The following ZKSCAN4 variants were observed in gnomAD, a reference collection of about 807,000 sequenced individuals.
ZKSCAN4 encodes the protein zinc finger with KRAB and SCAN domains 4.
In ZKSCAN4, 23 loss-of-function variants were observed where a neutral mutation model predicts 30.8. The observed-to-expected ratio is 0.75, with a 90% CI of 0.54 to 1.06. The LOEUF is 1.06. Ranked by LOEUF, ZKSCAN4 falls within the 50% of genes least tolerant of loss-of-function variation. The probability of loss-of-function intolerance (pLI) is 0.00; values close to 1 mark genes in which losing one functional copy is unlikely to be tolerated. For missense variants in ZKSCAN4, 556 were observed against 665.4 expected (o/e 0.84, Z 1.81); for synonymous variants, 208 against 252.5 (o/e 0.82, Z 1.67).
At position 28,251,962 on chromosome 6, in the gene ZKSCAN4, T is replaced by C. The variant is rs1374496186; in HGVS notation, c.19A>G (p.Lys7Glu). The change falls in exon 1 of 5, where the codon AAA becomes GAA. Residue 7 changes from lysine (K) to glutamate (E), a missense_variant. This residue lies in a region of ZKSCAN4 where 115 missense variants were observed against 125.9 expected (regional missense o/e 0.91). Transcript: ENST00000377294. This position sits in a 1 kb window ranked among gnomAD's most constrained non-coding sequence, Gnocchi z 4.5. ...GACTGGGCGTCCAGGGCTGCGTTTT[T>C]TCTCGGTTCTCTAGCCATTCTGACC... Reference protein sequence around the residue: MAREPRKNAALDAQSAE... With the variant: MAREPRENAALDAQSAE... The C allele has an allele frequency of 6.6e-7, 1 of 1,520,170 alleles. No individual in the cohort carries two copies. Among genetic ancestry groups the C allele is most frequent in the Non-Finnish European group, 8.8e-7 (1 of 1,138,520 alleles). 94.2% of individuals were successfully genotyped at this position (1,520,170 alleles called of 1,614,324 possible). A position where few individuals can be genotyped will look rare whatever the true frequency, so the allele number is the denominator to read the frequency against.
upstream of ZKSCAN4, among the ~76,000 whole-genome samples, chr6:28,253,423 G>A (rs1761088697): frequency 6.6e-6 from 1 of 152,212 alleles, no homozygotes; most frequent in Non-Finnish European, 1.5e-5. This position sits in a 1 kb window ranked among gnomAD's most constrained non-coding sequence, Gnocchi z 4.2. Flanking sequence ...AAGTCCCAAA[G>A]ACTGTTGCAA....
rs140747100 is a variant in ZKSCAN4, at chr6:28,244,372, C to A, written c.*744G>T. On this transcript the variant is annotated 3_prime_UTR_variant, in exon 5 of 5. Coordinates refer to ENST00000377294, the MANE Select transcript of ZKSCAN4 (RefSeq NM_019110.5). ...AATTAATGTAAACTAACATAATTAA[C>A]ATTGACCAGACAGTGGAGTTCTATG... is the stretch of plus-strand genomic sequence containing the variant. Among the ~76,000 whole-genome samples the A allele has an allele frequency of 1.3e-5, 2 of 152,272 alleles. No individual in the cohort carries two copies. The highest frequency in any genetic ancestry group is 3.9e-4 in the East Asian group (2 of 5,192).
Position 28,252,147 on chromosome 6 carries a change from T to G in ZKSCAN4, c.-167A>C. On this transcript the variant is annotated 5_prime_UTR_variant, in exon 1 of 5. Transcript: ENST00000377294. Reference sequence around the variant, plus strand: ...GGCGCAGCTGCACAGATCTCTCTTATAGTCCGTGCCTTTGCAGGGTCGTCC... The same window carrying G: ...GGCGCAGCTGCACAGATCTCTCTTAGAGTCCGTGCCTTTGCAGGGTCGTCC... 1 of 598,376 alleles carries G rather than the reference T, an allele frequency of 1.7e-6. No homozygotes were observed. The highest frequency in any genetic ancestry group is 2.7e-6 in the Non-Finnish European group (1 of 368,722). 37.1% of individuals were successfully genotyped at this position (598,376 alleles called of 1,614,324 possible). A position where few individuals can be genotyped will look rare whatever the true frequency, so the allele number is the denominator to read the frequency against.
rs1290130552 is a variant in ZKSCAN4, at chr6:28,249,946, A to T, written c.424-112T>A. 2 of 1,212,052 alleles carry T rather than the reference A, an allele frequency of 1.7e-6. No individual in the cohort carries two copies. Among genetic ancestry groups the T allele is most frequent in the African/African-American group, 3.1e-5 (2 of 65,188 alleles). The allele number at this position is 1,212,052 out of a possible 1,614,324, so 75.1% of individuals were successfully genotyped here. On this transcript the variant is annotated intron_variant, in intron 1 of 4. Transcript: ENST00000377294. This position sits in a 1 kb window ranked among gnomAD's most constrained non-coding sequence, Gnocchi z 4.1. ...CAAGCCTTATGATATTAACACAATTAATATAGATAACAACCCTGTGAGCTA... is the reference window on the plus strand; with the variant it reads ...CAAGCCTTATGATATTAACACAATTTATATAGATAACAACCCTGTGAGCTA...
Position 28,245,288 on chromosome 6 carries a change from C to G in ZKSCAN4, c.1466G>C (p.Cys489Ser). ...TGTGAAACTTCTCTCACACTCATTA[C>G]ATTTATAAGACACGGGAGCCTCAGT... ...ENTEAPVSYK[C>S]NECERSFTRN... Residue 489 changes from cysteine to serine, a missense_variant, in exon 5 of 5, where the codon TGT becomes TCT. Transcript: ENST00000377294. The G allele has an allele frequency of 1.2e-6, 2 of 1,614,052 alleles. No individual in the cohort carries two copies. Among genetic ancestry groups the G allele is most frequent in the Non-Finnish European group, 1.7e-6 (2 of 1,180,002 alleles).
chr6:28,245,304 G>A lies in ZKSCAN4; in HGVS notation c.1450C>T (p.Pro484Ser), dbSNP rs770914812. 2 of 1,613,896 alleles carry A rather than the reference G, an allele frequency of 1.2e-6. No homozygotes were observed. Among genetic ancestry groups the A allele is most frequent in the South Asian group, 2.2e-5 (2 of 91,058 alleles). The change falls in exon 5 of 5, where the codon CCC becomes TCC. Residue 484 changes from proline to serine, a missense_variant. Pro to Ser is a moderately conservative substitution (Grantham distance 74, BLOSUM62 -1). This residue lies in a region of ZKSCAN4 where 433 missense variants were observed against 511.5 expected (regional missense o/e 0.85). Coordinates refer to ENST00000377294, the MANE Select transcript of ZKSCAN4 (RefSeq NM_019110.5). ...CACTCATTACATTTATAAGACACGG[G>A]AGCCTCAGTATTTTCCCACTGGCTT... Reference protein sequence around the residue: ...TESQWENTEAPVSYKCNECER... With the variant: ...TESQWENTEASVSYKCNECER...
rs1022568549 is a variant in ZKSCAN4, at chr6:28,245,933, T to C, written c.821A>G (p.Lys274Arg). ...QTKSRDLPPV[K>R]KLPEKEHGKI... Reference sequence around the variant, plus strand: ...CCCATGCTCCTTTTCTGGAAGCTTCTTGACTGGAGGCAAGTCCCTGCTCTT... The same window carrying C: ...CCCATGCTCCTTTTCTGGAAGCTTCCTGACTGGAGGCAAGTCCCTGCTCTT... The change falls in exon 5 of 5, where the codon AAG becomes AGG. Residue 274 changes from lysine (K) to arginine (R), a missense_variant. Transcript: ENST00000377294. 8.7e-6 allele frequency: 14 copies of C among 1,614,216 alleles called. No individual in the cohort carries two copies. Among genetic ancestry groups the C allele is most frequent in the Non-Finnish European group, 1.2e-5 (14 of 1,180,032 alleles).
At chr6:28,247,881 T>G (rs980459778) in intron 3 of ZKSCAN4, among the ~76,000 whole-genome samples, 186 bp downstream of exon 3, 1 of 152,108 alleles carries the variant, frequency 6.6e-6, no homozygotes, top group African/African-American at 2.4e-5. Context: ...AACAGGAAAG[T>G]CCTCTTAGGT....
chr6:28,259,127 C>A, the ZKSCAN4 span, among the ~76,000 whole-genome samples: 1 of 152,210 alleles, frequency 6.6e-6, no homozygotes, highest in East Asian at 1.9e-4. Flanking sequence ...TGTTCCCACA[C>A]GGCTCAAGTT....
chr6:28,251,951 G>A lies in ZKSCAN4; in HGVS notation c.30C>T (p.Ala10=), dbSNP rs370205775. The change falls in exon 1 of 5, where the codon GCC becomes GCT. Residue 10 remains alanine (A), a synonymous_variant. Coordinates refer to ENST00000377294, the MANE Select transcript of ZKSCAN4 (RefSeq NM_019110.5). The surrounding 1 kb of genome is among the most constrained non-coding windows in gnomAD (Gnocchi z 4.5). The part of the protein sequence containing the change: MAREPRKNA[A]LDAQSAEDQT... ...GGTCTTCTGCAGACTGGGCGTCCAG[G>A]GCTGCGTTTTTTCTCGGTTCTCTAG... The A allele has an allele frequency of 2.6e-6, 4 of 1,521,500 alleles. No individual in the cohort carries two copies. In the African/African-American group the frequency reaches 4.2e-5, roughly 16 times the overall value. The allele number at this position is 1,521,500 out of a possible 1,614,324, so 94.2% of individuals were successfully genotyped here.
chr6:28,255,691 C>T (rs1003833911), upstream of ZKSCAN4, among the ~76,000 whole-genome samples: 1 of 152,010 alleles, frequency 6.6e-6, no homozygotes, highest in African/African-American at 2.4e-5. Flanking sequence ...GCCCCATGTA[C>T]TCTAAGTGTT....
the ZKSCAN4 span, chr6:28,259,181 A>G: frequency 2.8e-4 from 149 of 541,448 alleles, no homozygotes; most frequent in East Asian, 4.3e-3. Flanking sequence ...AATCCTACCT[A>G]CTTCCCACAA....
intron 1 of ZKSCAN4, among the ~76,000 whole-genome samples, chr6:28,250,371 G>A (rs1469591367): frequency 6.6e-5 from 10 of 152,114 alleles, no homozygotes; most frequent in Admixed American, 6.5e-4. Context: ...ACCCAGCCAA[G>A]GGTGGACAGT....
In ZKSCAN4 at chr6:28,247,153, A is replaced by G. The variant is rs1760773815; in HGVS notation, c.655-61T>C. ...CCCAAAATTACCCCCAAAGCAAAGA[A>G]TGAACATCCCCTTTAAAGAGGCTCT... On this transcript the variant is annotated intron_variant, in intron 3 of 4. Coordinates refer to ENST00000377294, the MANE Select transcript of ZKSCAN4 (RefSeq NM_019110.5). 2.6e-6 allele frequency: 4 copies of G among 1,513,768 alleles called. No individual in the cohort carries two copies. In the East Asian group the frequency reaches 9.4e-5, roughly 36 times the overall value. The allele number at this position is 1,513,768 out of a possible 1,614,324, so 93.8% of individuals were successfully genotyped here.
In ZKSCAN4 at chr6:28,251,771, C is replaced by G. The variant is rs149528071; in HGVS notation, c.210G>C (p.Ala70=). The G allele has an allele frequency of 6.1e-5, 99 of 1,614,174 alleles. No homozygotes were observed. In the Middle Eastern group the frequency reaches 8.2e-4, roughly 13 times the overall value. Reference sequence around the variant, plus strand: ...CGCAGAGTTCTCGGAGCCGGCTCAACGCCTCGCGGGGGCCCGCAGCCTCCG... The same window carrying G: ...CGCAGAGTTCTCGGAGCCGGCTCAAGGCCTCGCGGGGGCCCGCAGCCTCCG... ...RYPEAAGPRE[A]LSRLRELCGQ... Residue 70 remains alanine (A), a synonymous_variant, in exon 1 of 5, where the codon GCG becomes GCC. Coordinates refer to ENST00000377294, the MANE Select transcript of ZKSCAN4 (RefSeq NM_019110.5). The surrounding 1 kb of genome is among the most constrained non-coding windows in gnomAD (Gnocchi z 4.5).
rs1336503316 is a variant in ZKSCAN4, at chr6:28,247,112, T to TAAC, written c.655-23_655-21dup. ...CAAACCCTAAAACAATAGGTAGTCC[T>TAAC]AACTAGCTCCTCTTGCCCAAAATTA... On this transcript the variant is annotated intron_variant, in intron 3 of 4. Transcript: ENST00000377294. 6.4e-7 allele frequency: 1 copy of TAAC among 1,565,506 alleles called. No individual in the cohort carries two copies. The highest frequency in any genetic ancestry group is 1.4e-5 in the African/African-American group (1 of 73,208).
intron 4 of ZKSCAN4, 50 bp from the exon 5 acceptor site, chr6:28,246,025 G>A (rs1258558083): frequency 2.5e-6 from 4 of 1,613,378 alleles, no homozygotes; most frequent in Non-Finnish European, 3.4e-6. Context: ...GCCATGGGAG[G>A]AAAGCTCTGT....
intron 4 of ZKSCAN4, 88 bp from the exon 5 acceptor site, chr6:28,246,063 A>C: frequency 6.4e-7 from 1 of 1,553,772 alleles, no homozygotes; most frequent in Non-Finnish European, 8.8e-7. Flanking sequence ...CAAGAATTAC[A>C]GAAGTCTATA....
chr6:28,254,959 T>C (rs1319394522), upstream of ZKSCAN4, among the ~76,000 whole-genome samples: 1 of 152,228 alleles, frequency 6.6e-6, no homozygotes, highest in Non-Finnish European at 1.5e-5. Context: ...ATTATAGATA[T>C]GTAACCCGGT....
Sources: allele counts gnomAD v4.1 joint callset (sites outside exome capture counted in the v4.1 genomes callset), GRCh38; gene constraint gnomAD v4.1.1; regional missense constraint gnomAD v4.1.1; non-coding constraint Gnocchi (gnomAD v3.1); transcripts MANE v1.5; gene names NCBI Gene and HGNC (gene_info 2026-07-23, HGNC 2026-07-21).